The following PASK variants were observed in gnomAD, a reference collection of about 807,000 sequenced individuals.
PASK encodes the protein PAS domain-containing serine/threonine-protein kinase.
PASK carries 110 observed loss-of-function variants against 121.0 expected under a neutral mutation model. The ratio of observed to expected loss-of-function variants is 0.91; its 90% CI spans 0.78 to 1.06. The LOEUF (loss-of-function observed/expected upper bound fraction) is 1.06. Among genes scored for constraint, PASK ranks in the 50% least tolerant of loss-of-function variants. PASK has a pLI of 0.00. For missense variants in PASK, 1,643 were observed against 1,702.3 expected (o/e 0.97, Z 0.61); for synonymous variants, 686 against 717.8 (o/e 0.96, Z 0.71).
chr2:241,122,865 G>C lies in PASK; in HGVS notation c.2939C>G (p.Pro980Arg). ...CAACCCCTCCAGTTCCACAGCCTTG[G>C]GGGGCTCCTCAAACCAGGGTCTGGC... ...LRARPWFEEP[P>R]KAVELEGLAA... is the part of the protein sequence containing the mutation. Residue 980 changes from proline to arginine, a missense_variant, in exon 12 of 18, where the codon CCC (proline) becomes CGC (arginine). Pro to Arg is a moderately radical substitution (Grantham distance 103, BLOSUM62 -2). Coordinates refer to ENST00000234040, the MANE Select transcript of PASK (RefSeq NM_015148.4). 3 of 1,614,130 alleles carry C rather than the reference G, an allele frequency of 1.9e-6. No individual in the cohort carries two copies. The highest frequency in any genetic ancestry group is 2.2e-5 in the East Asian group (1 of 44,878).
intron 8 of PASK, among the ~76,000 whole-genome samples, chr2:241,135,514 T>C (rs1007583329): frequency 6.6e-6 from 1 of 152,156 alleles, no homozygotes; most frequent in Non-Finnish European, 1.5e-5. Flanking sequence ...TAATCCGATA[T>C]GCTACATGGC....
rs774411443 is a variant in PASK at position 241,132,997 on chromosome 2, T to C, written c.1340A>G (p.His447Arg). Residue 447 changes from histidine to arginine, a missense_variant, in exon 9 of 18, where the codon CAC becomes CGC. His to Arg is a conservative substitution (Grantham distance 29, BLOSUM62 0). This residue lies in a region of PASK where 1,176 missense variants were observed against 1,162.2 expected (regional missense o/e 1.01). Transcript: ENST00000234040. ...CCGGATCTCATCTCGGGGCACAACG[T>C]GGCCACCAGCAAGCACGACATTAAT... ...PRINVVLAGG[H>R]VVPRDEIRKL... 6.2e-7 allele frequency: 1 copy of C among 1,614,122 alleles called. No individual in the cohort carries two copies. Among genetic ancestry groups the C allele is most frequent in the South Asian group, 1.1e-5 (1 of 91,078 alleles).
At position 241,108,590 on chromosome 2, in the gene PASK, C is replaced by CG. The variant is rs1459713473; in HGVS notation, c.3534-291dup. ...AAGACGTGTCTACCAGAGGGGGGAG[C>CG]GGGGGGAGGGCTTCCTGGAGGAAGC... On this transcript the variant is annotated intron_variant, in intron 15 of 17. Transcript: ENST00000234040. The surrounding 1 kb of genome is among the most constrained non-coding windows in gnomAD (Gnocchi z 5.2). 6 of 477,484 alleles carry CG rather than the reference C, an allele frequency of 1.3e-5. No homozygotes were observed. Among genetic ancestry groups the CG allele is most frequent in the African/African-American group, 2.0e-5 (1 of 50,962 alleles). The allele number at this position is 477,484 out of a possible 1,614,324, so 29.6% of individuals were successfully genotyped here.
At chr2:241,133,131 AC>A in intron 8 of PASK, 101 bp from the exon 9 acceptor site, 2 of 1,168,182 alleles carry the variant, frequency 1.7e-6, no homozygotes, top group Non-Finnish European at 2.5e-6. Flanking sequence ...TCACAGCATG[AC>A]CAGCATCGAC....
At chr2:241,144,075 C>T (rs1358462063) in intron 1 of PASK, among the ~76,000 whole-genome samples, 1 of 152,168 alleles carries the variant, frequency 6.6e-6, no homozygotes, top group Non-Finnish European at 1.5e-5. Flanking sequence ...AAGGCATTTA[C>T]CTGCAGGTGT....
At position 241,115,288 on chromosome 2, in the gene PASK, C is replaced by T. The variant is rs775476953; in HGVS notation, c.3198G>A (p.Lys1066=). ...GTATCTCTGAAGAGGAAACCATCAC[C>T]TTGATGATATTGGCGTGCTCCACCC... ...LSRVEHANII[K]VLDIFENQGF... is the part of the protein sequence containing the mutation. Residue 1066 remains lysine (K), a splice_region_variant and synonymous_variant, in exon 13 of 18, where the codon AAG becomes AAA. Coordinates refer to ENST00000234040, the MANE Select transcript of PASK (RefSeq NM_015148.4). 4 of 1,614,042 alleles carry T rather than the reference C, an allele frequency of 2.5e-6. No individual in the cohort carries two copies. Among genetic ancestry groups the T allele is most frequent in the East Asian group, 2.2e-5 (1 of 44,890 alleles).
chr2:241,107,913 A>G (rs778120884), intron 16 of PASK, among the ~76,000 whole-genome samples: 7 of 152,136 alleles, frequency 4.6e-5, no homozygotes, highest in Non-Finnish European at 1.0e-4. Flanking sequence ...CAACAGGGCC[A>G]CTTGGAGCCT....
At position 241,122,676 on chromosome 2, in the gene PASK, G is replaced by T. The variant is rs116961937; in HGVS notation, c.3072+56C>A. 5.2e-4 allele frequency: 799 copies of T among 1,541,884 alleles called. 5 individuals carry two copies. In the East Asian group the frequency reaches 0.014, roughly 26 times the overall value. ...CCAGGTTTGAGAACTGGGACCAAAA[G>T]TCGAGAGCCATGTGAAGTGGTGCCC... is the stretch of plus-strand genomic sequence containing the variant. On this transcript the variant is annotated intron_variant, in intron 12 of 17. Coordinates refer to ENST00000234040, the MANE Select transcript of PASK (RefSeq NM_015148.4).
In PASK at chr2:241,106,666, A is replaced by ACATCACTCAGGCTCCTGTTCCC. The variant is rs2064893397; in HGVS notation, c.3850_3871dup (p.Val1291GlyfsTer7). ...CCCACAAAGCTCCTGAGCCTGGGCCACATCACTCAGGCTCCTGTTCCCCAT... is the reference window on the plus strand; with the variant it reads ...CCCACAAAGCTCCTGAGCCTGGGCCACATCACTCAGGCTCCTGTTCCCCATCACTCAGGCTCCTGTTCCCCAT... On this transcript the variant is annotated stop_gained and frameshift_variant, in exon 18 of 18. Coordinates refer to ENST00000234040, the MANE Select transcript of PASK (RefSeq NM_015148.4). LOFTEE classifies it low-confidence loss of function (END_TRUNC). 2 of 1,614,202 alleles carry ACATCACTCAGGCTCCTGTTCCC rather than the reference A, an allele frequency of 1.2e-6. No individual in the cohort carries two copies. Among genetic ancestry groups the ACATCACTCAGGCTCCTGTTCCC allele is most frequent in the South Asian group, 2.2e-5 (2 of 91,086 alleles).
chr2:241,140,927 A>C (rs957930313), intron 2 of PASK, 174 bp from the exon 3 acceptor site: 1 of 655,242 alleles, frequency 1.5e-6, no homozygotes, highest in Non-Finnish European at 2.8e-6. Flanking sequence ...TGGTCCCCAG[A>C]ATCCACTTAG....
At position 241,110,922 on chromosome 2, in the gene PASK, G is replaced by A. The variant is rs561279462; in HGVS notation, c.3533+1318C>T. ...TCTGAAGATGCATGGAGGTTCTAGC[G>A]GGGAAGAGCCCATTTTCACTTCCTC... On this transcript the variant is annotated intron_variant, in intron 15 of 17. Coordinates refer to ENST00000234040, the MANE Select transcript of PASK (RefSeq NM_015148.4). Among the ~76,000 whole-genome samples, 13 of 152,328 alleles carry A rather than the reference G, an allele frequency of 8.5e-5. No individual in the cohort carries two copies. In the South Asian group the frequency reaches 1.0e-3, roughly 12 times the overall value.
intron 9 of PASK, 67 bp from the exon 10 acceptor site, chr2:241,127,518 G>C (rs775021475): frequency 1.6e-6 from 2 of 1,252,066 alleles, no homozygotes; most frequent in Admixed American, 3.4e-5. Context: ...AGATTGCACC[G>C]ATTCTCCATT....
Position 241,115,093 on chromosome 2 carries a change from C to T in PASK, c.3283G>A (p.Asp1095Asn), listed in dbSNP as rs368841404. 9.3e-6 allele frequency: 15 copies of T among 1,613,928 alleles called. No homozygotes were observed. The highest frequency in any genetic ancestry group is 1.6e-4 in the Middle Eastern group (1 of 6,084). ...GGCTCATCCAGCCTGGGGTGGCGGT[C>T]GATGAAAGCGAAGAGGTCTAGGCCG... is the stretch of plus-strand genomic sequence containing the variant. ...GSGLDLFAFI[D>N]RHPRLDEPLA... Residue 1095 changes from aspartate to asparagine, a missense_variant, in exon 14 of 18, where the codon GAC (aspartate) becomes AAC (asparagine). Physicochemically the swap from Asp to Asn is conservative, Grantham distance 23 (BLOSUM62 1). Around this residue, in one of 3 missense-constraint regions of PASK, gnomAD observed 453 missense variants for 511.2 expected, o/e 0.89. Coordinates refer to ENST00000234040, the MANE Select transcript of PASK (RefSeq NM_015148.4).
chr2:241,136,097 C>G (rs559449812), intron 7 of PASK, 58 bp from the exon 8 acceptor site: 1 of 1,449,302 alleles, frequency 6.9e-7, no homozygotes, highest in South Asian at 1.1e-5. Flanking sequence ...ACCCACTGGA[C>G]CGTCCCCCTG....
intron 12 of PASK, chr2:241,119,038 C>T: frequency 1.5e-6 from 1 of 670,688 alleles, no homozygotes; most frequent in Non-Finnish European, 1.9e-6. Flanking sequence ...GCCCTGAGGC[C>T]CACCCCAGAG....
chr2:241,110,989 C>T (rs923886748), intron 15 of PASK, among the ~76,000 whole-genome samples: 5 of 152,236 alleles, frequency 3.3e-5, no homozygotes, highest in Admixed American at 1.3e-4. Flanking sequence ...AAGAGCTCAA[C>T]GCTGCCTGGC....
chr2:241,112,680 T>C lies in PASK; in HGVS notation c.3334-241A>G, dbSNP rs900581010. ...TTAGCCGGCAAGGTGGCAACATCAA[T>C]GAGACTCGTGAGTTCTGTTTGCTGC... is the stretch of plus-strand genomic sequence containing the variant. On this transcript the variant is annotated intron_variant, in intron 14 of 17. Coordinates refer to ENST00000234040, the MANE Select transcript of PASK (RefSeq NM_015148.4). The surrounding 1 kb of genome is among the most constrained non-coding windows in gnomAD (Gnocchi z 5.2). The C allele has an allele frequency of 1.0e-5, 5 of 482,426 alleles. No homozygotes were observed. The highest frequency in any genetic ancestry group is 3.9e-5 in the African/African-American group (2 of 51,020). 29.9% of individuals were successfully genotyped at this position (482,426 alleles called of 1,614,324 possible).
At chr2:241,149,361 G>A (rs1455379986) in intron 1 of PASK, 53 bp downstream of exon 1, 5 of 362,264 alleles carry the variant, frequency 1.4e-5, no homozygotes, top group Non-Finnish European at 2.5e-5. Context: ...CCCCACAGCC[G>A]CCCTGGGGAG....
At position 241,138,086 on chromosome 2, in the gene PASK, C is replaced by T. The variant is rs1283539069; in HGVS notation, c.743G>A (p.Gly248Asp). 1.9e-6 allele frequency: 3 copies of T among 1,613,940 alleles called. No homozygotes were observed. Among genetic ancestry groups the T allele is most frequent in the Non-Finnish European group, 2.5e-6 (3 of 1,179,940 alleles). The part of the protein sequence containing the change: ...VSTWVAFQSD[G>D]TVTSCDSLFA... ...GAGACTGTCACATGACGTGACGGTGCCCTGGAGGAAAAGCCCCGTGCTTAT... is the reference window on the plus strand; with the variant it reads ...GAGACTGTCACATGACGTGACGGTGTCCTGGAGGAAAAGCCCCGTGCTTAT... The change falls in exon 6 of 18, where the codon GGC (glycine) becomes GAC (aspartate). Residue 248 changes from glycine to aspartate, a missense_variant and splice_region_variant. Gly to Asp is a moderately conservative substitution (Grantham distance 94). Around this residue, in one of 3 missense-constraint regions of PASK, gnomAD observed 1,176 missense variants for 1,162.2 expected, o/e 1.01. Coordinates refer to ENST00000234040, the MANE Select transcript of PASK (RefSeq NM_015148.4).
Sources: allele counts gnomAD v4.1 joint callset (sites outside exome capture counted in the v4.1 genomes callset), GRCh38; gene constraint gnomAD v4.1.1; regional missense constraint gnomAD v4.1.1; non-coding constraint Gnocchi (gnomAD v3.1); transcripts MANE v1.5; gene names NCBI Gene and HGNC (gene_info 2026-07-23, HGNC 2026-07-21).